DCAF8L2: variants seen among roughly 807,000 people sequenced by gnomAD.
DCAF8L2 encodes the protein DDB1 and CUL4 associated factor 8 like 2, also known as DDB1- and CUL4-associated factor 8-like protein 2.
For synonymous variants in DCAF8L2, 200 were observed against 190.9 expected (o/e 1.05, Z -0.39); for missense variants, 430 against 490.7 (o/e 0.88, Z 1.17).
At chrX:27,598,598 T>C (rs1926474460) in intron 1 of DCAF8L2, among the ~76,000 whole-genome samples, 1 of 112,206 alleles carries the variant, frequency 8.9e-6, no homozygotes. Flanking sequence ...AATAACTGCC[T>C]TTGTTCTCGC....
intron 2 of DCAF8L2, among the ~76,000 whole-genome samples, chrX:27,638,976 C>A (rs1467413870): frequency 9.0e-6 from 1 of 111,563 alleles, no homozygotes; most frequent in Admixed American, 9.6e-5. Flanking sequence ...GTAAGTAAAA[C>A]AAAAACTCTG....
the DCAF8L2 span, among the ~76,000 whole-genome samples, chrX:27,524,457 T>G: frequency 2.7e-5 from 3 of 111,539 alleles, no homozygotes; most frequent in Non-Finnish European, 5.6e-5. Flanking sequence ...TCTATCAATT[T>G]TGTTGATCTT....
chrX:27,717,250 G>A (rs1247962220), intron 4 of DCAF8L2, among the ~76,000 whole-genome samples: 2 of 112,289 alleles, frequency 1.8e-5, no homozygotes, highest in Non-Finnish European at 3.8e-5. Flanking sequence ...TATATACCCA[G>A]TAATGGGATA....
chrX:27,552,673 A>G, the DCAF8L2 span, among the ~76,000 whole-genome samples: 2 of 111,764 alleles, frequency 1.8e-5, no homozygotes, highest in Non-Finnish European at 1.9e-5. Flanking sequence ...TTTTATGCCA[A>G]TATCATGCTG....
intron 1 of DCAF8L2, among the ~76,000 whole-genome samples, chrX:27,622,049 T>G (rs1306175376): frequency 9.1e-6 from 1 of 110,282 alleles, no homozygotes; most frequent in Admixed American, 9.7e-5. Flanking sequence ...TAAAGTATTT[T>G]GAAATAAAAT....
At chrX:27,600,882 T>A (rs967443901) in intron 1 of DCAF8L2, among the ~76,000 whole-genome samples, 5 of 111,874 alleles carry the variant, frequency 4.5e-5, no homozygotes, top group African/African-American at 1.6e-4. Context: ...TCATGGAAAG[T>A]TCATTGTTCT....
chrX:27,558,495 C>A, the DCAF8L2 span, among the ~76,000 whole-genome samples: 2 of 111,625 alleles, frequency 1.8e-5, no homozygotes, highest in African/African-American at 6.5e-5. Context: ...CCTGATTCTA[C>A]TTCTTAGTTT....
chrX:27,710,349 G>C (rs920802747), intron 3 of DCAF8L2, among the ~76,000 whole-genome samples: 1 of 111,250 alleles, frequency 9.0e-6, no homozygotes, highest in East Asian at 2.8e-4. Context: ...ATTTTGGTTG[G>C]TTTTGTGTTG....
chrX:27,738,522 A>G (rs1248045859), intron 4 of DCAF8L2, among the ~76,000 whole-genome samples: 2 of 111,852 alleles, frequency 1.8e-5, no homozygotes, highest in African/African-American at 6.5e-5. Context: ...TGTAAAATCT[A>G]AGCTCCTTTG....
the DCAF8L2 span, among the ~76,000 whole-genome samples, chrX:27,570,246 T>C: frequency 9.0e-6 from 1 of 110,840 alleles, no homozygotes; most frequent in Admixed American, 9.7e-5. Flanking sequence ...CAATGGTATC[T>C]TTTGGGCAGG....
chrX:27,673,187 G>T (rs1194368853), intron 2 of DCAF8L2, among the ~76,000 whole-genome samples: 1 of 110,455 alleles, frequency 9.1e-6, no homozygotes, highest in Non-Finnish European at 1.9e-5. Context: ...AACTTCTAAT[G>T]AATCCAAATA....
intron 1 of DCAF8L2, among the ~76,000 whole-genome samples, chrX:27,597,192 T>C (rs1163791013): frequency 2.7e-5 from 3 of 112,156 alleles, no homozygotes; most frequent in Non-Finnish European, 5.6e-5. Flanking sequence ...CATTTTACAA[T>C]GTATTTAAAC....
the DCAF8L2 span, among the ~76,000 whole-genome samples, chrX:27,572,383 A>G: frequency 8.9e-6 from 1 of 111,917 alleles, no homozygotes; most frequent in African/African-American, 3.2e-5. Context: ...TCGTCTCTTT[A>G]TGGCAGTTTC....
chrX:27,633,833 A>G (rs1270964832), intron 2 of DCAF8L2: 2 of 111,808 alleles, frequency 1.8e-5, no homozygotes, highest in Non-Finnish European at 3.8e-5. Flanking sequence ...TTGTGTAGTC[A>G]TGGAAATCAT....
chrX:27,747,787 C>T lies in DCAF8L2; in HGVS notation c.892C>T (p.Arg298Trp), dbSNP rs1331318623. Reference protein sequence around the residue: ...LAMCARDGQVRVAELINASYF... With the variant: ...LAMCARDGQVWVAELINASYF... ...CATGTGTGCCCGTGATGGGCAGGTA[C>T]GGGTAGCAGAGTTAATTAATGCATC... is the stretch of plus-strand genomic sequence containing the variant. The change falls in exon 5 of 5, where the codon CGG becomes TGG. Residue 298 changes from arginine to tryptophan, a missense_variant. Arg to Trp is a moderately radical substitution (Grantham distance 101). Transcript: ENST00000451261. The T allele has an allele frequency of 8.3e-7, 1 of 1,209,038 alleles. No homozygotes were observed. The highest frequency in any genetic ancestry group is 1.1e-6 in the Non-Finnish European group (1 of 893,820).
the DCAF8L2 span, among the ~76,000 whole-genome samples, chrX:27,573,900 G>T: frequency 9.3e-6 from 1 of 108,056 alleles, no homozygotes; most frequent in African/African-American, 3.4e-5. Context: ...TCACTAAATT[G>T]TCCAGGCTGG....
chrX:27,691,509 A>G (rs1322177717), intron 3 of DCAF8L2, among the ~76,000 whole-genome samples: 1 of 111,677 alleles, frequency 9.0e-6, no homozygotes, highest in Non-Finnish European at 1.9e-5. Context: ...TAAGAGAGGT[A>G]CCAAAAAATT....
At chrX:27,622,508 T>A (rs1436279029) in intron 1 of DCAF8L2, among the ~76,000 whole-genome samples, 1 of 111,215 alleles carries the variant, frequency 9.0e-6, no homozygotes, top group Non-Finnish European at 1.9e-5. Context: ...GGCAATAATC[T>A]CAAACTCATT....
At chrX:27,547,859 C>CTT in the DCAF8L2 span, among the ~76,000 whole-genome samples, 1 of 53,138 alleles carries the variant, frequency 1.9e-5, no homozygotes, top group Admixed American at 2.3e-4. Context: ...CTCTCTCTCT[C>CTT]TCTCTCTCTC....
Sources: gnomAD v4.1 joint callset for allele counts (sites outside exome capture counted in the v4.1 genomes callset) on GRCh38, gnomAD v4.1.1 for gene constraint, MANE v1.5 for transcripts, NCBI Gene and HGNC (gene_info 2026-07-23, HGNC 2026-07-21) for gene names.